The following ANO5 variants were observed in gnomAD, a reference collection of about 807,000 sequenced individuals.
The protein encoded by ANO5 is anoctamin 5.
A neutral mutation model predicts 121.0 loss-of-function variants in ANO5; 109 were observed. The observed-to-expected ratio is 0.90, with a 90% CI of 0.77 to 1.06. The LOEUF is 1.06. Ranked by LOEUF, ANO5 falls within the 50% of genes least tolerant of loss-of-function variation. The pLI, the probability that ANO5 is intolerant of heterozygous loss-of-function variation, is 0.00. For synonymous variants in ANO5, 406 were observed against 359.9 expected (o/e 1.13, Z -1.45); for missense variants, 1,064 against 1,078.5 (o/e 0.99, Z 0.19).
rs1855022323 is a variant in ANO5 at position 22,279,929 on chromosome 11, T to C, written c.*164T>C. ...TTATACACTTTTATAGAGGCCAACT[T>C]TGTGATGTTGGAAATGTACTACTTC... On this transcript the variant is annotated 3_prime_UTR_variant, in exon 22 of 22. Transcript: ENST00000324559. 2 of 633,466 alleles carry C rather than the reference T, an allele frequency of 3.2e-6. No homozygotes were observed. The highest frequency in any genetic ancestry group is 1.9e-5 in the African/African-American group (1 of 54,046). The allele number at this position is 633,466 out of a possible 1,614,324, so 39.2% of individuals were successfully genotyped here. A position where few individuals can be genotyped will look rare whatever the true frequency, so the allele number is the denominator to read the frequency against.
intron 3 of ANO5, among the ~76,000 whole-genome samples, chr11:22,212,002 T>G (rs1203790282): frequency 1.3e-5 from 2 of 151,780 alleles, no homozygotes; most frequent in Non-Finnish European, 2.9e-5. Flanking sequence ...TTACTTTTTT[T>G]TTTTTACTAC....
intron 1 of ANO5, among the ~76,000 whole-genome samples, chr11:22,202,064 A>C (rs1168400048): frequency 6.6e-6 from 1 of 152,000 alleles, no homozygotes; most frequent in African/African-American, 2.4e-5. Flanking sequence ...GGTTTTAGTT[A>C]ATTTTAAAGA....
intron 1 of ANO5, among the ~76,000 whole-genome samples, chr11:22,195,014 T>G (rs1025280863): frequency 6.6e-6 from 1 of 152,212 alleles, no homozygotes; most frequent in African/African-American, 2.4e-5. Flanking sequence ...ACTGCCAAAC[T>G]GTTTTCCAGG....
chr11:22,251,703 C>A (rs1478652479), intron 12 of ANO5, among the ~76,000 whole-genome samples: 2 of 152,054 alleles, frequency 1.3e-5, no homozygotes, highest in Middle Eastern at 3.2e-3. Flanking sequence ...AAAAACACCT[C>A]TAACAAACAC....
chr11:22,277,173 G>A (rs1018630327), intron 21 of ANO5, among the ~76,000 whole-genome samples: 2 of 150,990 alleles, frequency 1.3e-5, no homozygotes, highest in Non-Finnish European at 3.0e-5. Context: ...TACTTTGGCA[G>A]ATCTCACACA....
At chr11:22,264,113 T>G (rs1004913037) in intron 17 of ANO5, among the ~76,000 whole-genome samples, 9 of 138,102 alleles carry the variant, frequency 6.5e-5, no homozygotes, top group Non-Finnish European at 1.4e-4. Flanking sequence ...AACCTCCACC[T>G]CCTGGGTTCA....
intron 2 of ANO5, among the ~76,000 whole-genome samples, chr11:22,204,626 T>C (rs1852056670): frequency 6.6e-6 from 1 of 152,044 alleles, no homozygotes; most frequent in Non-Finnish European, 1.5e-5. Flanking sequence ...TTCCTAGAAG[T>C]TACAGGGTTC....
chr11:22,269,528 AAAG>A (rs1854527679), intron 17 of ANO5, among the ~76,000 whole-genome samples: 1 of 149,114 alleles, frequency 6.7e-6, no homozygotes, highest in Admixed American at 6.6e-5. Context: ...AAAAGGAAGG[AAAG>A]AAAAAAAGAA....
chr11:22,216,313 CGA>C (rs910850201), intron 3 of ANO5, among the ~76,000 whole-genome samples: 1 of 151,788 alleles, frequency 6.6e-6, no homozygotes, highest in African/African-American at 2.4e-5. Flanking sequence ...CAGCAATGTA[CGA>C]GAGTTCTTTT....
intron 4 of ANO5, 117 bp downstream of exon 4, chr11:22,218,404 C>T (rs1852534621): frequency 1.1e-5 from 15 of 1,309,900 alleles, no homozygotes; most frequent in Non-Finnish European, 1.6e-5. Context: ...AATTCCTAGT[C>T]CCCAGGCAAC....
intron 3 of ANO5, among the ~76,000 whole-genome samples, chr11:22,212,782 CT>C (rs1397117684): frequency 6.6e-6 from 1 of 150,594 alleles, no homozygotes; most frequent in Non-Finnish European, 1.5e-5. Context: ...TGCTATGTCA[CT>C]CTGTTCATAT....
chr11:22,218,232 T>C lies in ANO5; in HGVS notation c.139-14T>C, dbSNP rs1467017727. ...TGGGCAGGAAGTGCTAATTCTTTATTGGTTGCTTCACAGCCTGCAAAGCGA... is the reference window on the plus strand; with the variant it reads ...TGGGCAGGAAGTGCTAATTCTTTATCGGTTGCTTCACAGCCTGCAAAGCGA... On this transcript the variant is annotated splice_polypyrimidine_tract_variant and intron_variant, in intron 3 of 21. Transcript: ENST00000324559. The C allele has an allele frequency of 1.9e-6, 3 of 1,613,288 alleles. No homozygotes were observed. The highest frequency in any genetic ancestry group is 2.5e-6 in the Non-Finnish European group (3 of 1,179,672).
At chr11:22,256,285 A>G (rs910017088) in intron 13 of ANO5, among the ~76,000 whole-genome samples, 1 of 152,182 alleles carries the variant, frequency 6.6e-6, no homozygotes, top group African/African-American at 2.4e-5. Context: ...GCTATTTAAA[A>G]GAGAATAATA....
intron 18 of ANO5, among the ~76,000 whole-genome samples, chr11:22,270,888 T>G (rs977823754): frequency 2.0e-5 from 3 of 152,096 alleles, no homozygotes. Context: ...AAAGCGATTG[T>G]GTAAGGGAAA....
At chr11:22,208,673 T>C (rs967960158) in intron 2 of ANO5, among the ~76,000 whole-genome samples, 1 of 152,002 alleles carries the variant, frequency 6.6e-6, no homozygotes, top group African/African-American at 2.4e-5. Flanking sequence ...ATTGTACTCA[T>C]GTCAGCTTCC....
intron 5 of ANO5, among the ~76,000 whole-genome samples, chr11:22,223,911 C>T (rs1852740553): frequency 6.6e-6 from 1 of 151,568 alleles, no homozygotes; most frequent in African/African-American, 2.4e-5. Context: ...TATATTAAAC[C>T]TATTCCTTTC....
intron 18 of ANO5, among the ~76,000 whole-genome samples, chr11:22,270,949 A>C (rs866869057): frequency 6.6e-6 from 1 of 152,204 alleles, no homozygotes; most frequent in Non-Finnish European, 1.5e-5. Flanking sequence ...TTGAACAGAG[A>C]AGAGACCCTT....
intron 18 of ANO5, among the ~76,000 whole-genome samples, chr11:22,271,399 A>C (rs1293286359): frequency 6.6e-6 from 1 of 152,238 alleles, no homozygotes; most frequent in African/African-American, 2.4e-5. Flanking sequence ...GGTAGGATAC[A>C]TGAGATGAGC....
intron 2 of ANO5, among the ~76,000 whole-genome samples, chr11:22,204,855 C>T (rs1008039973): frequency 6.6e-6 from 1 of 151,960 alleles, no homozygotes; most frequent in Admixed American, 6.6e-5. Flanking sequence ...GGTATATGCC[C>T]AAAGGAATAC....
Sources: allele counts gnomAD v4.1 joint callset (sites outside exome capture counted in the v4.1 genomes callset), GRCh38; gene constraint gnomAD v4.1.1; transcripts MANE v1.5; gene names NCBI Gene and HGNC (gene_info 2026-07-23, HGNC 2026-07-21).